CNTN6: variants seen among roughly 807,000 people sequenced by gnomAD.
CNTN6 encodes the protein contactin 6, also known as contactin-6.
A neutral mutation model predicts 122.8 loss-of-function variants in CNTN6; 137 were observed. That is an observed-to-expected ratio of 1.12 (90% CI 0.97 to 1.29). The LOEUF is 1.29. Ranked by LOEUF, CNTN6 falls within the 50% of genes most tolerant of loss-of-function variation. The pLI, the probability that CNTN6 is intolerant of heterozygous loss-of-function variation, is 0.00. For synonymous variants in CNTN6, 570 were observed against 426.0 expected, an observed-to-expected ratio of 1.34 and a Z score of -4.16; for missense variants, 1,634 against 1,223.4, an observed-to-expected ratio of 1.34 and a Z score of -5.01.
rs543428228 is a variant in CNTN6, at chr3:1,173,430, C to T, written c.55+25367C>T. The T allele has an allele frequency of 2.9e-3, 1,071 of 373,240 alleles. 3 individuals are homozygous for T. The highest frequency in any genetic ancestry group is 4.2e-3 in the Non-Finnish European group (784 of 188,166). 23.1% of individuals were successfully genotyped at this position (373,240 alleles called of 1,614,324 possible). A position where few individuals can be genotyped will look rare whatever the true frequency, so the allele number is the denominator to read the frequency against. ...TTATTTCATTTAATCCTCAGAAAAT[C>T]CTCTAAAGGACAGGAAGTATTATAA... On this transcript the variant is annotated intron_variant, in intron 2 of 22. Transcript: ENST00000446702.
At chr3:1,142,179 CA>C (rs1294312751) in intron 1 of CNTN6, among the ~76,000 whole-genome samples, 1 of 149,330 alleles carries the variant, frequency 6.7e-6, no homozygotes, top group African/African-American at 2.5e-5. Flanking sequence ...GTTTTAGAGC[CA>C]GGAGATGGAG....
At chr3:1,213,219 T>C (rs1324145198) in intron 2 of CNTN6, among the ~76,000 whole-genome samples, 1 of 152,228 alleles carries the variant, frequency 6.6e-6, no homozygotes, top group African/African-American at 2.4e-5. Context: ...AAACCAGACT[T>C]TTCTCTGAGT....
chr3:1,141,973 T>C (rs1033007928), intron 1 of CNTN6, among the ~76,000 whole-genome samples: 1 of 152,090 alleles, frequency 6.6e-6, no homozygotes, highest in African/African-American at 2.4e-5. Context: ...CTGTAAAAGA[T>C]AGATAAGAGA....
At chr3:1,314,885 A>G (rs1031446173) in intron 7 of CNTN6, among the ~76,000 whole-genome samples, 6 of 152,072 alleles carry the variant, frequency 3.9e-5, no homozygotes, top group Non-Finnish European at 8.8e-5. Context: ...GGCTTTTGCA[A>G]TGCTCCTTTT....
chr3:1,330,435 C>G (rs940731422), intron 11 of CNTN6, among the ~76,000 whole-genome samples: 1 of 151,622 alleles, frequency 6.6e-6, no homozygotes, highest in Admixed American at 6.6e-5. Flanking sequence ...TTGAGAAACC[C>G]TAGGTCAGCA....
chr3:1,324,014 A>G (rs1701210986), intron 8 of CNTN6, among the ~76,000 whole-genome samples: 2 of 149,916 alleles, frequency 1.3e-5, no homozygotes, highest in Admixed American at 1.3e-4. Context: ...GACATATATT[A>G]GGACAATTTC....
intron 4 of CNTN6, among the ~76,000 whole-genome samples, chr3:1,266,582 C>T: frequency 6.6e-6 from 1 of 152,290 alleles, no homozygotes; most frequent in African/African-American, 2.4e-5. Flanking sequence ...TTGTATTTTA[C>T]ATAGGTTGCA....
At chr3:1,242,467 G>A (rs1355374073) in intron 4 of CNTN6, among the ~76,000 whole-genome samples, 4 of 152,134 alleles carry the variant, frequency 2.6e-5, no homozygotes, top group African/African-American at 7.2e-5. Context: ...TGTAAGGAGA[G>A]TTTATAGGTT....
chr3:1,297,810 G>T, intron 6 of CNTN6, 79 bp from the exon 7 acceptor site: 1 of 1,063,558 alleles, frequency 9.4e-7, no homozygotes, highest in East Asian at 2.4e-5. Flanking sequence ...AAATAATCAG[G>T]TTTTGGTTAA....
intron 4 of CNTN6, among the ~76,000 whole-genome samples, chr3:1,260,579 A>G (rs149880573): frequency 6.6e-6 from 1 of 152,196 alleles, no homozygotes; most frequent in African/African-American, 2.4e-5. Context: ...TGATTTTATA[A>G]CACATTATGA....
chr3:1,211,970 A>G (rs2094045005), intron 2 of CNTN6, among the ~76,000 whole-genome samples: 1 of 152,190 alleles, frequency 6.6e-6, no homozygotes. Flanking sequence ...TTCATGGGCC[A>G]TTCAGAAATG....
chr3:1,338,283 T>C (rs947720874), intron 11 of CNTN6, among the ~76,000 whole-genome samples: 2 of 152,158 alleles, frequency 1.3e-5, no homozygotes, highest in Admixed American at 1.3e-4. Context: ...GGCTGCGATA[T>C]CAGTCAGTTT....
intron 14 of CNTN6, 77 bp from the exon 15 acceptor site, chr3:1,373,527 A>C: frequency 7.1e-7 from 1 of 1,412,934 alleles, no homozygotes. Flanking sequence ...CACAACAGGT[A>C]AAAATAAACC....
At chr3:1,343,657 C>G (rs1345946987) in intron 11 of CNTN6, among the ~76,000 whole-genome samples, 1 of 152,034 alleles carries the variant, frequency 6.6e-6, no homozygotes, top group African/African-American at 2.4e-5. Flanking sequence ...AGAATATAAA[C>G]AAATAAAGAA....
chr3:1,172,019 CTT>C (rs1388583231), intron 2 of CNTN6, among the ~76,000 whole-genome samples: 2 of 152,288 alleles, frequency 1.3e-5, no homozygotes, highest in African/African-American at 4.8e-5. Context: ...CATTGAAGCT[CTT>C]GAGTCCCTTG....
Position 1,279,719 on chromosome 3 carries a change from T to G in CNTN6, c.454+1211T>G, listed in dbSNP as rs1317399129. 2.6e-5 allele frequency among the ~76,000 whole-genome samples: 4 copies of G among 152,210 alleles called. No homozygotes were observed. In the East Asian group the frequency reaches 7.7e-4, roughly 29 times the overall value. ...AGGACAGATGTTTAAAAATAAAATT[T>G]AAGCAATTTACTTTTAATGTTAAAC... On this transcript the variant is annotated intron_variant, in intron 5 of 22. Coordinates refer to ENST00000446702, the MANE Select transcript of CNTN6 (RefSeq NM_001289080.2).
At chr3:1,201,099 T>TTGTG (rs57028088) in intron 2 of CNTN6, among the ~76,000 whole-genome samples, 3,069 of 130,022 alleles carry the variant, frequency 0.024, 73 homozygotes, top group East Asian at 0.076. Flanking sequence ...AGCTAACATT[T>TTGTG]TGTGTGTGTG....
intron 1 of CNTN6, among the ~76,000 whole-genome samples, chr3:1,127,956 GCA>G (rs892264827): frequency 2.6e-5 from 4 of 151,894 alleles, no homozygotes; most frequent in African/African-American, 9.7e-5. Flanking sequence ...AATTGAGTGA[GCA>G]CAGTCTTTAG....
chr3:1,367,217 GT>G (rs905203972), intron 12 of CNTN6, among the ~76,000 whole-genome samples: 2 of 151,964 alleles, frequency 1.3e-5, no homozygotes, highest in Non-Finnish European at 2.9e-5. Context: ...TACATTAACT[GT>G]AGTCACCATG....
Sources: gnomAD v4.1 joint callset for allele counts (sites outside exome capture counted in the v4.1 genomes callset) on GRCh38, gnomAD v4.1.1 for gene constraint, MANE v1.5 for transcripts, NCBI Gene and HGNC (gene_info 2026-07-23, HGNC 2026-07-21) for gene names.